Variants in RPGRIP1L observed in about 807,000 individuals in gnomAD.
RPGRIP1L encodes the protein RPGRIP1 like, also known as protein fantom.
A neutral mutation model predicts 160.4 loss-of-function variants in RPGRIP1L; 131 were observed. The ratio of observed to expected loss-of-function variants is 0.82; its 90% CI spans 0.71 to 0.94. The LOEUF is 0.94. RPGRIP1L is among the 40% of genes least tolerant of loss of function. The probability of loss-of-function intolerance (pLI) is 0.00; values close to 1 mark genes in which losing one functional copy is unlikely to be tolerated. For synonymous variants in RPGRIP1L, 510 were observed against 515.8 expected, an observed-to-expected ratio of 0.99 and a Z score of 0.15; for missense variants, 1,522 against 1,535.8, an observed-to-expected ratio of 0.99 and a Z score of 0.15.
intron 26 of RPGRIP1L, among the ~76,000 whole-genome samples, chr16:53,605,042 A>G (rs1468839): frequency 0.99 from 151,174 of 152,134 alleles, 75,116 homozygotes; most frequent in Middle Eastern, 1. Context: ...TTAGCCGGGC[A>G]TGGTGATGCA....
rs1242500653 is a variant in RPGRIP1L at position 53,652,990 on chromosome 16, G to C, written c.1700-3C>G. 1 of 1,607,798 alleles carries C rather than the reference G, an allele frequency of 6.2e-7. No individual in the cohort carries two copies. Among genetic ancestry groups the C allele is most frequent in the Non-Finnish European group, 8.5e-7 (1 of 1,175,466 alleles). On this transcript the variant is annotated splice_region_variant and splice_polypyrimidine_tract_variant and intron_variant, in intron 14 of 26. Coordinates refer to ENST00000647211, the MANE Select transcript of RPGRIP1L (RefSeq NM_015272.5). ...ATAGGCAATATCCTTTAATTGGGCT[G>C]CAAGAGAAGACACACAGTTTAGAGA...
At chr16:53,688,665 T>C (rs532590159) in intron 4 of RPGRIP1L, among the ~76,000 whole-genome samples, 23 of 152,182 alleles carry the variant, frequency 1.5e-4, no homozygotes, top group African/African-American at 5.3e-4. Context: ...GCATCACAGA[T>C]GATTAAGGTT....
At chr16:53,625,319 G>T (rs1416571379) in intron 22 of RPGRIP1L, among the ~76,000 whole-genome samples, 1 of 151,446 alleles carries the variant, frequency 6.6e-6, no homozygotes, top group Admixed American at 6.6e-5. Context: ...GATGTGGGGA[G>T]CGCCTCCGCG....
chr16:53,612,249 A>T (rs1964094303), intron 24 of RPGRIP1L, among the ~76,000 whole-genome samples: 2 of 152,210 alleles, frequency 1.3e-5, no homozygotes, highest in Admixed American at 6.5e-5. Flanking sequence ...AACTCTGGAT[A>T]GCCAAAGTCA....
At chr16:53,698,222 G>A (rs1970982867) in intron 2 of RPGRIP1L, among the ~76,000 whole-genome samples, 2 of 151,838 alleles carry the variant, frequency 1.3e-5, no homozygotes, top group South Asian at 2.1e-4. Context: ...CCCCGTCTGG[G>A]AAGTGAGGAG....
intron 2 of RPGRIP1L, among the ~76,000 whole-genome samples, chr16:53,697,552 C>T (rs909554501): frequency 6.6e-5 from 10 of 152,186 alleles, no homozygotes; most frequent in African/African-American, 1.9e-4. Context: ...TTGGTGGAGA[C>T]GGGGTTTCGC....
At chr16:53,629,006 G>T (rs1303956438) in intron 22 of RPGRIP1L, among the ~76,000 whole-genome samples, 1 of 152,010 alleles carries the variant, frequency 6.6e-6, no homozygotes, top group African/African-American at 2.4e-5. Flanking sequence ...GTATAAATGT[G>T]TATAAATAGA....
intron 15 of RPGRIP1L, 105 bp from the exon 16 acceptor site, chr16:53,649,220 G>T: frequency 1.1e-6 from 1 of 905,810 alleles, no homozygotes; most frequent in Non-Finnish European, 1.8e-6. Context: ...TACATTTTAT[G>T]CTGAGTAAAA....
rs1034771324 is a variant in RPGRIP1L at position 53,687,810 on chromosome 16, A to G, written c.632+53T>C. 2.4e-5 allele frequency: 26 copies of G among 1,078,108 alleles called. No individual in the cohort carries two copies. In the African/African-American group the frequency reaches 3.1e-4, roughly 13 times the overall value. 66.8% of individuals were successfully genotyped at this position (1,078,108 alleles called of 1,614,324 possible). ...AAAGGAAAGGGAAGGATAAAAAAAA[A>G]AGACATTATCAATAACCAAAGTTCT... On this transcript the variant is annotated intron_variant, in intron 5 of 26. Transcript: ENST00000647211.
intron 22 of RPGRIP1L, among the ~76,000 whole-genome samples, chr16:53,626,348 T>C (rs1225256869): frequency 6.6e-6 from 1 of 152,122 alleles, no homozygotes; most frequent in East Asian, 1.9e-4. Context: ...ATACAGGAAA[T>C]TGGCCAGACA....
chr16:53,697,486 C>G (rs570150822), intron 2 of RPGRIP1L, among the ~76,000 whole-genome samples: 4 of 152,234 alleles, frequency 2.6e-5, no homozygotes, highest in African/African-American at 7.2e-5. Context: ...CTCAGCCTGC[C>G]GAGTGCCTGC....
chr16:53,665,636 T>C (rs1174488543), intron 9 of RPGRIP1L, among the ~76,000 whole-genome samples: 1 of 152,184 alleles, frequency 6.6e-6, no homozygotes, highest in Non-Finnish European at 1.5e-5. Context: ...CTGATAAGAA[T>C]GACGAAAATA....
chr16:53,656,116 G>A (rs148203074), intron 14 of RPGRIP1L, among the ~76,000 whole-genome samples: 1 of 152,224 alleles, frequency 6.6e-6, no homozygotes, highest in Non-Finnish European at 1.5e-5. Context: ...AATCTTGCTT[G>A]CAACACTGAA....
intron 6 of RPGRIP1L, among the ~76,000 whole-genome samples, chr16:53,675,865 G>A (rs1048098954): frequency 1.3e-5 from 2 of 152,086 alleles, no homozygotes; most frequent in South Asian, 2.1e-4. Flanking sequence ...AGATCTAAAT[G>A]AGTACCTGTT....
Position 53,637,700 on chromosome 16 carries a change from GGTTCCAA to G in RPGRIP1L, c.3208_3214del (p.Leu1070GlnfsTer62), listed in dbSNP as rs776922546. ...AGTTTAAATAAGAAAGTCACCTTCT[GGTTCCAA>G]GTCCTCTGTTATTTCTGTTTCATCT... On this transcript the variant is annotated frameshift_variant, in exon 21 of 27. Coordinates refer to ENST00000647211, the MANE Select transcript of RPGRIP1L (RefSeq NM_015272.5). LOFTEE classifies it high-confidence loss of function. 1 of 1,608,244 alleles carries G rather than the reference GGTTCCAA, an allele frequency of 6.2e-7. No homozygotes were observed. The highest frequency in any genetic ancestry group is 8.5e-7 in the Non-Finnish European group (1 of 1,179,590).
Position 53,619,097 on chromosome 16 carries a change from G to C in RPGRIP1L, c.3544C>G (p.Pro1182Ala), listed in dbSNP as rs61742648. Residue 1182 changes from proline (P) to alanine (A), a missense_variant, in exon 24 of 27, where the codon CCT (proline) becomes GCT (alanine). Pro to Ala is a conservative substitution (Grantham distance 27). Coordinates refer to ENST00000647211, the MANE Select transcript of RPGRIP1L (RefSeq NM_015272.5). Reference protein sequence around the residue: ...LFVECRFYSLPAEETPVSLPK... With the variant: ...LFVECRFYSLAAEETPVSLPK... ...AGTGACACGGGTGTCTCTTCAGCAG[G>C]AAGACTGTAGAATCGACACTCAACA... 5.9e-5 allele frequency: 96 copies of C among 1,613,964 alleles called. No homozygotes were observed. Among genetic ancestry groups the C allele is most frequent in the Non-Finnish European group, 8.1e-5 (95 of 1,180,000 alleles).
intron 15 of RPGRIP1L, among the ~76,000 whole-genome samples, chr16:53,650,215 T>C (rs2151109825): frequency 1.3e-5 from 2 of 152,222 alleles, no homozygotes; most frequent in South Asian, 4.1e-4. Context: ...GGTGCCATTA[T>C]AACAGGCCGA....
chr16:53,636,891 G>A (rs1965868230), intron 21 of RPGRIP1L, among the ~76,000 whole-genome samples: 1 of 150,032 alleles, frequency 6.7e-6, no homozygotes, highest in Non-Finnish European at 1.5e-5. Flanking sequence ...TTGCTTTGTT[G>A]AAATAAAACT....
At chr16:53,674,635 A>G (rs746331308) in intron 7 of RPGRIP1L, among the ~76,000 whole-genome samples, 2 of 152,186 alleles carry the variant, frequency 1.3e-5, no homozygotes, top group African/African-American at 4.8e-5. Context: ...TCTATTGCCA[A>G]TAATTTTATA....
Sources: allele counts gnomAD v4.1 joint callset (sites outside exome capture counted in the v4.1 genomes callset), GRCh38; gene constraint gnomAD v4.1.1; transcripts MANE v1.5; gene names NCBI Gene and HGNC (gene_info 2026-07-23, HGNC 2026-07-21).